The following ERBB4 variants were observed in gnomAD, a reference collection of about 807,000 sequenced individuals.
ERBB4 encodes receptor tyrosine-protein kinase erbB-4.
In ERBB4, 42 loss-of-function variants were observed where a neutral mutation model predicts 158.0. The observed-to-expected ratio is 0.27, with a 90% confidence interval of 0.21 to 0.34. ERBB4 has a LOEUF of 0.34. Among genes scored for constraint, ERBB4 ranks in the 10% least tolerant of loss-of-function variants. The pLI is 1.00. For missense variants in ERBB4, 1,333 were observed against 1,624.1 expected, an observed-to-expected ratio of 0.82 and a Z score of 3.08; for synonymous variants, 583 against 558.7, an observed-to-expected ratio of 1.04 and a Z score of -0.61.
intron 9 of ERBB4, among the ~76,000 whole-genome samples, chr2:211,708,931 G>T (rs1200120893): frequency 6.6e-6 from 1 of 152,006 alleles, no homozygotes; most frequent in Non-Finnish European, 1.5e-5. Flanking sequence ...TATCCAAGAA[G>T]AAATCCTAAC....
At chr2:211,458,980 A>G (rs2064458736) in intron 20 of ERBB4, among the ~76,000 whole-genome samples, 2 of 152,200 alleles carry the variant, frequency 1.3e-5, no homozygotes, top group Non-Finnish European at 2.9e-5. Flanking sequence ...CATATTATAA[A>G]ATGATTAAAA....
At chr2:212,089,705 C>T (rs1407933984) in intron 2 of ERBB4, among the ~76,000 whole-genome samples, 1 of 152,180 alleles carries the variant, frequency 6.6e-6, no homozygotes, top group Non-Finnish European at 1.5e-5. Context: ...TGGTGACATG[C>T]TTCCTATACT....
chr2:211,587,280 G>A (rs550939888), intron 19 of ERBB4, among the ~76,000 whole-genome samples: 2 of 151,960 alleles, frequency 1.3e-5, no homozygotes, highest in East Asian at 1.9e-4. Context: ...GCTTGAACCC[G>A]GGAGGCAGAG....
intron 3 of ERBB4, among the ~76,000 whole-genome samples, chr2:211,862,707 C>T (rs1422235477): frequency 2.0e-5 from 3 of 152,048 alleles, no homozygotes; most frequent in Non-Finnish European, 2.9e-5. Context: ...ACTGATATAT[C>T]AGATCATTAT....
intron 1 of ERBB4, among the ~76,000 whole-genome samples, chr2:212,155,500 C>A (rs1328131645): frequency 6.6e-6 from 1 of 152,048 alleles, no homozygotes; most frequent in African/African-American, 2.4e-5. Context: ...CCGCCCCAGA[C>A]CTTCTGAGTC....
chr2:211,634,480 T>C (rs1192177042), intron 16 of ERBB4, among the ~76,000 whole-genome samples: 5 of 152,190 alleles, frequency 3.3e-5, no homozygotes, highest in Non-Finnish European at 7.4e-5. Flanking sequence ...TAGATGTTTG[T>C]AAGTATAGGA....
chr2:211,796,143 G>A (rs1045580839), intron 3 of ERBB4, among the ~76,000 whole-genome samples: 2 of 151,830 alleles, frequency 1.3e-5, no homozygotes, highest in African/African-American at 4.8e-5. Flanking sequence ...CACCACAGCA[G>A]CCTTCCTCAT....
intron 20 of ERBB4, among the ~76,000 whole-genome samples, chr2:211,442,733 G>A (rs113784922): frequency 6.6e-6 from 1 of 150,836 alleles, no homozygotes; most frequent in Non-Finnish European, 1.5e-5. Context: ...ATACATATGT[G>A]TATATATATA....
intron 25 of ERBB4, among the ~76,000 whole-genome samples, chr2:211,419,895 T>C (rs113596991): frequency 0.029 from 4,424 of 152,166 alleles, 204 homozygotes; most frequent in African/African-American, 0.1. Flanking sequence ...AACTTAAATC[T>C]ACTTCTTAAA....
intron 1 of ERBB4, among the ~76,000 whole-genome samples, chr2:212,209,649 G>A (rs964151441): frequency 6.6e-6 from 1 of 152,036 alleles, no homozygotes; most frequent in Non-Finnish European, 1.5e-5. Context: ...AACCCTTAGA[G>A]TGACTACATT....
At chr2:212,120,564 A>G (rs574671785) in intron 2 of ERBB4, among the ~76,000 whole-genome samples, 6 of 152,356 alleles carry the variant, frequency 3.9e-5, no homozygotes, top group African/African-American at 1.4e-4. Context: ...ATCAGGGAAA[A>G]TTGTCACAAT....
At chr2:211,484,016 C>T (rs12986860) in intron 20 of ERBB4, among the ~76,000 whole-genome samples, 37,771 of 151,978 alleles carry the variant, frequency 0.25, 5,388 homozygotes, top group African/African-American at 0.39. Context: ...GAAATACAAA[C>T]GCTGAAAGAA....
intron 20 of ERBB4, among the ~76,000 whole-genome samples, chr2:211,460,213 G>T (rs984811980): frequency 5.3e-5 from 8 of 151,916 alleles, no homozygotes; most frequent in African/African-American, 1.9e-4. Flanking sequence ...ATATCTCACT[G>T]CCTTCTTCGT....
chr2:212,419,092 T>C (rs2091729392), intron 1 of ERBB4, among the ~76,000 whole-genome samples: 2 of 149,998 alleles, frequency 1.3e-5, no homozygotes, highest in Admixed American at 6.7e-5. Flanking sequence ...ATGTATACAG[T>C]ACTCTTCCTT....
chr2:211,776,503 T>C (rs938403159), intron 4 of ERBB4, among the ~76,000 whole-genome samples: 4 of 152,142 alleles, frequency 2.6e-5, no homozygotes, highest in Admixed American at 2.0e-4. Context: ...GTGGGGATAC[T>C]TGCATGTGTA....
At chr2:211,424,099 T>C (rs1226823443) in intron 23 of ERBB4, 56 bp downstream of exon 23, 2 of 1,486,248 alleles carry the variant, frequency 1.3e-6, no homozygotes, top group African/African-American at 1.4e-5. Flanking sequence ...TTGAGTAATC[T>C]CTGCTATTAC....
At chr2:212,290,343 G>A (rs1173228716) in intron 1 of ERBB4, among the ~76,000 whole-genome samples, 1 of 152,088 alleles carries the variant, frequency 6.6e-6, no homozygotes, top group Admixed American at 6.6e-5. Flanking sequence ...ACACACAGTA[G>A]TACATAGCAT....
chr2:211,681,844 T>A (rs2072348178), intron 12 of ERBB4, among the ~76,000 whole-genome samples: 1 of 152,126 alleles, frequency 6.6e-6, no homozygotes, highest in Non-Finnish European at 1.5e-5. Context: ...CTTATCAACC[T>A]TTTTTTTGAA....
At chr2:212,156,523 T>C (rs1012562322) in intron 1 of ERBB4, among the ~76,000 whole-genome samples, 2 of 152,140 alleles carry the variant, frequency 1.3e-5, no homozygotes, top group Non-Finnish European at 2.9e-5. Flanking sequence ...AAGCCTATAA[T>C]TGTATTCAGT....
Sources: gnomAD v4.1 joint callset for allele counts (sites outside exome capture counted in the v4.1 genomes callset) on GRCh38, gnomAD v4.1.1 for gene constraint, MANE v1.5 for transcripts, NCBI Gene and HGNC (gene_info 2026-07-23, HGNC 2026-07-21) for gene names.